The following ARL2 variants were observed in gnomAD, a reference collection of about 807,000 sequenced individuals.
ARL2 encodes ARF like GTPase 2.
ARL2 carries 11 observed loss-of-function variants against 22.0 expected under a neutral mutation model. The observed-to-expected ratio is 0.50, with a 90% confidence interval of 0.31 to 0.83. The LOEUF (loss-of-function observed/expected upper bound fraction) is 0.83. ARL2 is among the 40% of genes least tolerant of loss of function. The pLI, the probability that ARL2 is intolerant of heterozygous loss-of-function variation, is 0.04. For missense variants in ARL2, 216 were observed against 243.2 expected (o/e 0.89, Z 0.74); for synonymous variants, 111 against 100.8 (o/e 1.10, Z -0.61).
chr11:65,020,151 A>G (rs755551921), intron 3 of ARL2, among the ~76,000 whole-genome samples: 1 of 152,158 alleles, frequency 6.6e-6, no homozygotes, highest in Non-Finnish European at 1.5e-5. Flanking sequence ...CTCCCTGTTC[A>G]TGGAAGAGGA....
rs934648767 is a variant in ARL2, at chr11:65,021,954, C to A, written c.*99C>A. On this transcript the variant is annotated 3_prime_UTR_variant, in exon 5 of 5. Transcript: ENST00000246747. Reference sequence around the variant, plus strand: ...GAGTCAGCCGGCCAAACTAACACTCCCCCTCCTCCACCCCAGCCTGCTGCT... The same window carrying A: ...GAGTCAGCCGGCCAAACTAACACTCACCCTCCTCCACCCCAGCCTGCTGCT... The A allele has an allele frequency of 2.7e-6, 4 of 1,480,488 alleles. No homozygotes were observed. The East Asian group carries it at 7.2e-5, about 27-fold the overall frequency. 91.7% of individuals were successfully genotyped at this position (1,480,488 alleles called of 1,614,324 possible).
intron 1 of ARL2, 142 bp downstream of exon 1, chr11:65,014,414 C>T (rs939633146): frequency 5.2e-5 from 34 of 649,466 alleles, no homozygotes; most frequent in African/African-American, 9.8e-5. Flanking sequence ...CCATCAATCG[C>T]CCCGTCGGGC....
chr11:65,017,288 C>T (rs777546110), intron 1 of ARL2, among the ~76,000 whole-genome samples: 6 of 148,246 alleles, frequency 4.0e-5, no homozygotes, highest in South Asian at 2.2e-4. Context: ...CTCTGCCTGC[C>T]GGGTTCAAGC....
chr11:65,016,974 G>A (rs1046252401), intron 1 of ARL2, among the ~76,000 whole-genome samples: 3 of 152,114 alleles, frequency 2.0e-5, no homozygotes, highest in Non-Finnish European at 4.4e-5. Flanking sequence ...ATGACTGAGC[G>A]CTGTCCCAGC....
intron 1 of ARL2, among the ~76,000 whole-genome samples, chr11:65,014,620 G>T (rs1392747208): frequency 6.6e-6 from 1 of 152,190 alleles, no homozygotes; most frequent in Non-Finnish European, 1.5e-5. Context: ...CTCCTCCCCC[G>T]GGCCCGAGGG....
rs1946336752 is a variant in ARL2, at chr11:65,022,132, G to A, written c.*277G>A. 4 of 476,966 alleles carry A rather than the reference G, an allele frequency of 8.4e-6. No homozygotes were observed. In the South Asian group the frequency reaches 1.1e-4, roughly 13 times the overall value. 29.5% of individuals were successfully genotyped at this position (476,966 alleles called of 1,614,324 possible). A position where few individuals can be genotyped will look rare whatever the true frequency, so the allele number is the denominator to read the frequency against. On this transcript the variant is annotated 3_prime_UTR_variant, in exon 5 of 5. Coordinates refer to ENST00000246747, the MANE Select transcript of ARL2 (RefSeq NM_001667.4). ...AGGAGCTGCTACTGCTGCTACCGAG[G>A]CTGTGGGCCTCATCCTTCACTCAGT...
chr11:65,018,412 G>C lies in ARL2; in HGVS notation c.114G>C (p.Gly38=). ...GKTTILKKFN[G]EDIDTISPTL... ...CAACCATCCTGAAGAAGTTCAATGG[G>C]GAGGACATCGACACCATCTCCCCAA... is the stretch of plus-strand genomic sequence containing the variant. Residue 38 remains glycine, a synonymous_variant, in exon 2 of 5, where the codon GGG becomes GGC. Coordinates refer to ENST00000246747, the MANE Select transcript of ARL2 (RefSeq NM_001667.4). This position sits in a 1 kb window ranked among gnomAD's most constrained non-coding sequence, Gnocchi z 4.2. The C allele has an allele frequency of 6.2e-7, 1 of 1,609,810 alleles. No homozygotes were observed.
rs1946333159 is a variant in ARL2 at position 65,021,904 on chromosome 11, C to A, written c.*49C>A. The A allele has an allele frequency of 4.4e-6, 7 of 1,586,144 alleles. No individual in the cohort carries two copies. In the East Asian group the frequency reaches 1.3e-4, roughly 31 times the overall value. On this transcript the variant is annotated 3_prime_UTR_variant, in exon 5 of 5. Coordinates refer to ENST00000246747, the MANE Select transcript of ARL2 (RefSeq NM_001667.4). ...AGCAGTCCAGGTCCCTCAACCTTCA[C>A]CAAACACTACCCATGGGGGGTTGGG...
chr11:65,022,029 A>T lies in ARL2; in HGVS notation c.*174A>T. The T allele has an allele frequency of 1.0e-6, 1 of 962,426 alleles. No homozygotes were observed. 59.6% of individuals were successfully genotyped at this position (962,426 alleles called of 1,614,324 possible). ...GTGGCCACCCGGCTCCCATGGCGGG[A>T]GGGCTGTGCCCTGGCTGTCTCTCTG... On this transcript the variant is annotated 3_prime_UTR_variant, in exon 5 of 5. Transcript: ENST00000246747.
At chr11:65,021,628 C>G in intron 4 of ARL2, 93 bp from the exon 5 acceptor site, 1 of 1,428,728 alleles carries the variant, frequency 7.0e-7, no homozygotes, top group Non-Finnish European at 9.3e-7. Flanking sequence ...TTGAGGAAGG[C>G]GTGGAGTTCC....
In ARL2 at chr11:65,021,816, C is replaced by G. The variant is rs1489414870; in HGVS notation, c.516C>G (p.Leu172=). 6.2e-7 allele frequency: 1 copy of G among 1,613,542 alleles called. No homozygotes were observed. The highest frequency in any genetic ancestry group is 1.1e-5 in the South Asian group (1 of 91,080). Residue 172 remains leucine, a synonymous_variant, in exon 5 of 5, where the codon CTC becomes CTG. Coordinates refer to ENST00000246747, the MANE Select transcript of ARL2 (RefSeq NM_001667.4). ...GENLLPGIDW[L]LDDISSRIFT... is the part of the protein sequence containing the mutation. Reference sequence around the variant, plus strand: ...ACCTGCTGCCGGGCATCGACTGGCTCCTGGATGACATTTCCAGCCGCATTT... The same window carrying G: ...ACCTGCTGCCGGGCATCGACTGGCTGCTGGATGACATTTCCAGCCGCATTT...
chr11:65,018,982 A>C lies in ARL2; in HGVS notation c.339+249A>C, dbSNP rs1330716999. On this transcript the variant is annotated intron_variant, in intron 3 of 4. Coordinates refer to ENST00000246747, the MANE Select transcript of ARL2 (RefSeq NM_001667.4). The surrounding 1 kb of genome is among the most constrained non-coding windows in gnomAD (Gnocchi z 4.2). ...GTTTCTATGCCTTGAAATGGTGATGATGACACCCACATCACTGGGCTTTAG... is the reference window on the plus strand; with the variant it reads ...GTTTCTATGCCTTGAAATGGTGATGCTGACACCCACATCACTGGGCTTTAG... 7 of 1,450,332 alleles carry C rather than the reference A, an allele frequency of 4.8e-6. No individual in the cohort carries two copies. The Admixed American group carries it at 1.5e-4, about 30-fold the overall frequency. 89.8% of individuals were successfully genotyped at this position (1,450,332 alleles called of 1,614,324 possible).
rs754969281 is a variant in ARL2 at position 65,021,866 on chromosome 11, A to T, written c.*11A>T. ...TTCACAGCTGACTGAACCACTCCAG[A>T]TGCCCCCCACCTAGCAGTCCAGGTC... On this transcript the variant is annotated 3_prime_UTR_variant, in exon 5 of 5. Transcript: ENST00000246747. 1.2e-6 allele frequency: 2 copies of T among 1,609,948 alleles called. No homozygotes were observed. The highest frequency in any genetic ancestry group is 4.5e-5 in the East Asian group (2 of 44,836).
Position 65,021,811 on chromosome 11 carries a change from T to A in ARL2, c.511T>A (p.Trp171Arg). The A allele has an allele frequency of 6.2e-7, 1 of 1,613,612 alleles. No individual in the cohort carries two copies. Among genetic ancestry groups the A allele is most frequent in the Non-Finnish European group, 8.5e-7 (1 of 1,179,972 alleles). ...TGENLLPGIDWLLDDISSRIF... is the reference protein window; with the variant it reads ...TGENLLPGIDRLLDDISSRIF... ...GGAGAACCTGCTGCCGGGCATCGAC[T>A]GGCTCCTGGATGACATTTCCAGCCG... Residue 171 changes from tryptophan to arginine, a missense_variant, in exon 5 of 5, where the codon TGG becomes AGG. By Grantham distance (101) the Trp-to-Arg change is moderately radical. Transcript: ENST00000246747.
At chr11:65,021,202 A>G (rs753395618) in intron 4 of ARL2, among the ~76,000 whole-genome samples, 2 of 152,248 alleles carry the variant, frequency 1.3e-5, no homozygotes, top group Non-Finnish European at 2.9e-5. Flanking sequence ...TCACACAGCC[A>G]CTAAATAGAC....
chr11:65,015,877 T>C (rs1946246243), intron 1 of ARL2, among the ~76,000 whole-genome samples: 1 of 151,792 alleles, frequency 6.6e-6, no homozygotes, highest in African/African-American at 2.4e-5. Flanking sequence ...TATATAGGTA[T>C]GGAGAATAAT....
chr11:65,021,656 A>G, intron 4 of ARL2, 65 bp from the exon 5 acceptor site: 1 of 1,518,486 alleles, frequency 6.6e-7, no homozygotes, highest in Non-Finnish European at 8.8e-7. Context: ...TGGGGAGGGA[A>G]GGGGCTGACG....
At chr11:65,014,382 C>G in intron 1 of ARL2, 110 bp downstream of exon 1, 1 of 894,094 alleles carries the variant, frequency 1.1e-6, no homozygotes, top group South Asian at 1.9e-5. Flanking sequence ...TCCCAACTGC[C>G]CCTGGCGTCA....
chr11:65,014,531 G>T (rs1414061016), intron 1 of ARL2, among the ~76,000 whole-genome samples: 1 of 152,160 alleles, frequency 6.6e-6, no homozygotes, highest in Non-Finnish European at 1.5e-5. Context: ...GTCAGGGGTG[G>T]TGGGTCCCGG....
Sources: gnomAD v4.1 joint callset for allele counts (sites outside exome capture counted in the v4.1 genomes callset) on GRCh38, gnomAD v4.1.1 for gene constraint, Gnocchi (gnomAD v3.1) non-coding constraint, MANE v1.5 for transcripts, NCBI Gene and HGNC (gene_info 2026-07-23, HGNC 2026-07-21) for gene names.